The following ANK2 variants were observed in gnomAD, a reference collection of about 807,000 sequenced individuals.
ANK2 encodes the protein ankyrin-2.
Under a neutral mutation model 360.5 loss-of-function variants are expected in ANK2, and 83 were observed. The observed-to-expected ratio is 0.23, with a 90% CI of 0.19 to 0.28. The LOEUF (loss-of-function observed/expected upper bound fraction) is 0.28, where lower values mean the gene tolerates loss of function less well. Among genes scored for constraint, ANK2 ranks in the 10% least tolerant of loss-of-function variants. The probability of loss-of-function intolerance (pLI) is 1.00; values close to 1 mark genes in which losing one functional copy is unlikely to be tolerated. For synonymous variants in ANK2, 1,740 were observed against 1,759.5 expected (o/e 0.99, Z 0.28); for missense variants, 4,201 against 4,795.7 (o/e 0.88, Z 3.66).
intron 1 of ANK2, among the ~76,000 whole-genome samples, chr4:112,875,771 A>G (rs1383318599): frequency 4.0e-5 from 6 of 149,986 alleles, no homozygotes; most frequent in Admixed American, 1.3e-4. Context: ...ACAGGGTCTC[A>G]CTCTTCCCTC....
chr4:113,264,959 C>A lies in ANK2; in HGVS notation c.1449C>A (p.Leu483=). The A allele has an allele frequency of 1.3e-6, 2 of 1,568,136 alleles. No homozygotes were observed. Among genetic ancestry groups the A allele is most frequent in the Non-Finnish European group, 8.7e-7 (1 of 1,155,422 alleles). The change falls in exon 14 of 46, where the codon CTC becomes CTA. Residue 483 remains leucine, a synonymous_variant. Coordinates refer to ENST00000357077, the MANE Select transcript of ANK2 (RefSeq NM_001148.6). ...GGCAGGTGGAAGTGGTCCGATGCCT[C>A]CTGAGAAATGGTGCCCTTGTTGATG... ...RAGQVEVVRC[L]LRNGALVDAR...
chr4:112,872,954 A>G (rs944381940), intron 1 of ANK2, among the ~76,000 whole-genome samples: 7 of 151,854 alleles, frequency 4.6e-5, no homozygotes, highest in Non-Finnish European at 8.8e-5. Flanking sequence ...GGTTGATTGT[A>G]TCTTTCTAGG....
intron 1 of ANK2, among the ~76,000 whole-genome samples, chr4:112,889,488 C>G (rs1359776075): frequency 1.3e-5 from 2 of 152,024 alleles, no homozygotes; most frequent in African/African-American, 2.4e-5. Context: ...TAAACATTTT[C>G]TCCACTTTAT....
chr4:113,361,951 C>T (rs548735747), intron 39 of ANK2, among the ~76,000 whole-genome samples: 1 of 152,226 alleles, frequency 6.6e-6, no homozygotes, highest in South Asian at 2.1e-4. Context: ...AAATATGACT[C>T]TCACACCTAC....
intron 33 of ANK2, among the ~76,000 whole-genome samples, chr4:113,342,577 G>A (rs1309097866): frequency 6.6e-6 from 1 of 152,092 alleles, no homozygotes; most frequent in Non-Finnish European, 1.5e-5. Context: ...GCAGATGCCT[G>A]TAATCCCAGC....
At position 113,213,968 on chromosome 4, in the gene ANK2, A is replaced by AAT. The variant is rs1554280494; in HGVS notation, c.384+14859_384+14860insAT. 1.8e-4 allele frequency: 87 copies of AAT among 493,688 alleles called. 13 individuals carry two copies. The highest frequency in any genetic ancestry group is 5.7e-4 in the South Asian group (21 of 37,124). The allele number at this position is 493,688 out of a possible 1,614,324, so 30.6% of individuals were successfully genotyped here. On this transcript the variant is annotated intron_variant, in intron 4 of 45. Transcript: ENST00000357077. ...GCTGTTTTATTTATTTTTTTTTTTT[A>AAT]TTTTTTTTTTAAGTACAATTTCCAT...
chr4:112,772,093 G>C, the ANK2 span, among the ~76,000 whole-genome samples: 1 of 152,100 alleles, frequency 6.6e-6, no homozygotes, highest in African/African-American at 2.4e-5. Context: ...ATGTGCCAAG[G>C]TGTCTATATT....
chr4:113,008,777 G>C (rs1272625233), intron 2 of ANK2, among the ~76,000 whole-genome samples: 1 of 152,004 alleles, frequency 6.6e-6, no homozygotes, highest in Admixed American at 6.6e-5. Context: ...CACAATCCTT[G>C]CTGATGGTAG....
Position 113,198,778 on chromosome 4 carries a change from C to T in ANK2, c.286-233C>T, listed in dbSNP as rs72898011. ...TGATTCATTGAAAATACAGTCATTC[C>T]GTGTTAACACTAAACCAATATTGTG... On this transcript the variant is annotated intron_variant, in intron 3 of 45. Coordinates refer to ENST00000357077, the MANE Select transcript of ANK2 (RefSeq NM_001148.6). Among the ~76,000 whole-genome samples, 3,138 of 152,002 alleles carry T rather than the reference C, an allele frequency of 0.021. 112 individuals carry two copies. Among genetic ancestry groups the T allele is most frequent in the African/African-American group, 0.072 (2,970 of 41,448 alleles).
chr4:113,381,157 T>C (rs1458159066), intron 45 of ANK2, among the ~76,000 whole-genome samples: 3 of 152,218 alleles, frequency 2.0e-5, no homozygotes, highest in Non-Finnish European at 4.4e-5. Context: ...TTATGGTTAG[T>C]TTTTGAGAAG....
At chr4:113,016,382 G>A (rs1256928651) in intron 2 of ANK2, among the ~76,000 whole-genome samples, 1 of 152,186 alleles carries the variant, frequency 6.6e-6, no homozygotes, top group Non-Finnish European at 1.5e-5. Flanking sequence ...CTGCTTGGCA[G>A]TTTGTGCCTA....
intron 1 of ANK2, among the ~76,000 whole-genome samples, chr4:113,149,892 A>AAG (rs1323890396): frequency 6.7e-6 from 1 of 150,294 alleles, no homozygotes; most frequent in African/African-American, 2.4e-5. Flanking sequence ...AAAAAAAAAA[A>AAG]AAAAAAAAGA....
rs1280805425 is a variant in ANK2 at position 113,320,658 on chromosome 4, A to AAAAAAC, written c.2900+2056_2900+2061dup. Among the ~76,000 whole-genome samples the AAAAAAC allele has an allele frequency of 1.8e-4, 28 of 151,762 alleles. 1 individual carries two copies. The highest frequency in any genetic ancestry group is 1.8e-3 in the Admixed American group (28 of 15,244). ...TGACAGAGTGAGACTCCATCTCCAAAAAAAACAAAAACAAAAACAAAAAAA... is the reference window on the plus strand; with the variant it reads ...TGACAGAGTGAGACTCCATCTCCAAAAAAAACAAAAACAAAAACAAAAACAAAAAAA... On this transcript the variant is annotated intron_variant, in intron 26 of 45. Transcript: ENST00000357077.
At chr4:112,957,677 C>T (rs1258980108) in intron 2 of ANK2, among the ~76,000 whole-genome samples, 1 of 150,596 alleles carries the variant, frequency 6.6e-6, no homozygotes. Context: ...GACGGGGCGG[C>T]TGGCTGGGCG....
chr4:113,278,595 G>A (rs912991719), intron 17 of ANK2, 37 bp downstream of exon 17: 7 of 1,582,166 alleles, frequency 4.4e-6, no homozygotes, highest in African/African-American at 1.3e-5. Context: ...GGCATAGGGT[G>A]TAACTATCGC....
rs1202410997 is a variant in ANK2 at position 113,187,956 on chromosome 4, G to A, written c.187-8412G>A. On this transcript the variant is annotated intron_variant, in intron 2 of 45. Transcript: ENST00000357077. Reference sequence around the variant, plus strand: ...ATGCCTATTACATCCTCATCACTGTGCTACAGTGTATGTGTTACATAGTGT... The same window carrying A: ...ATGCCTATTACATCCTCATCACTGTACTACAGTGTATGTGTTACATAGTGT... Among the ~76,000 whole-genome samples, 3 of 152,224 alleles carry A rather than the reference G, an allele frequency of 2.0e-5. No individual in the cohort carries two copies. In the South Asian group the frequency reaches 6.2e-4, roughly 32 times the overall value.
the ANK2 span, among the ~76,000 whole-genome samples, chr4:112,794,382 T>C: frequency 3.4e-3 from 514 of 152,296 alleles, 2 homozygotes; most frequent in African/African-American, 0.012. Flanking sequence ...TGGGAGATAG[T>C]TGATTAAGTG....
At chr4:112,928,640 G>A (rs2092846455) in intron 2 of ANK2, among the ~76,000 whole-genome samples, 1 of 152,002 alleles carries the variant, frequency 6.6e-6, no homozygotes, top group Admixed American at 6.6e-5. Flanking sequence ...CTTCTAAGAA[G>A]AGGAGGTTGA....
chr4:112,803,605 G>A, the ANK2 span, among the ~76,000 whole-genome samples: 2 of 152,130 alleles, frequency 1.3e-5, no homozygotes, highest in African/African-American at 4.8e-5. Context: ...TCAACCCTGT[G>A]AAACTGATTT....
Sources: allele counts gnomAD v4.1 joint callset (sites outside exome capture counted in the v4.1 genomes callset), GRCh38; gene constraint gnomAD v4.1.1; transcripts MANE v1.5; gene names NCBI Gene and HGNC (gene_info 2026-07-23, HGNC 2026-07-21).